The following CMAS variants were observed in gnomAD, a reference collection of about 807,000 sequenced individuals.
CMAS encodes N-acylneuraminate cytidylyltransferase.
CMAS carries 21 observed loss-of-function variants against 53.4 expected under a neutral mutation model. The ratio of observed to expected loss-of-function variants is 0.39; its 90% CI spans 0.28 to 0.57. The LOEUF (loss-of-function observed/expected upper bound fraction) is 0.57, where lower values mean the gene tolerates loss of function less well. CMAS is among the 20% of genes least tolerant of loss of function. CMAS has a pLI of 0.56. For synonymous variants in CMAS, 189 were observed against 195.2 expected, an observed-to-expected ratio of 0.97 and a Z score of 0.27; for missense variants, 384 against 534.9, an observed-to-expected ratio of 0.72 and a Z score of 2.78.
At chr12:22,063,841 T>G (rs961148261) in intron 7 of CMAS, 3 of 151,568 alleles carry the variant, frequency 2.0e-5, no homozygotes, top group African/African-American at 7.3e-5. Flanking sequence ...ATGCCTACAA[T>G]CCCACCACTT....
intron 1 of CMAS, among the ~76,000 whole-genome samples, chr12:22,053,995 C>T (rs937959467): frequency 2.0e-5 from 3 of 151,238 alleles, no homozygotes; most frequent in Admixed American, 6.6e-5. Context: ...GGCGCGATCT[C>T]GGCTCACTGC....
chr12:22,048,797 C>T (rs1950222277), intron 1 of CMAS, among the ~76,000 whole-genome samples: 1 of 152,174 alleles, frequency 6.6e-6, no homozygotes, highest in Admixed American at 6.5e-5. Context: ...CACCTTGCTT[C>T]AACTTGCTCA....
At chr12:22,054,389 C>T (rs1456570437) in intron 1 of CMAS, among the ~76,000 whole-genome samples, 3 of 152,166 alleles carry the variant, frequency 2.0e-5, no homozygotes, top group Middle Eastern at 3.4e-3. Flanking sequence ...GTGTAACCTG[C>T]GGTTAATAGA....
intron 7 of CMAS, among the ~76,000 whole-genome samples, chr12:22,064,094 A>T (rs1404780753): frequency 8.5e-5 from 13 of 152,196 alleles, no homozygotes. Flanking sequence ...TTTAGTGAAA[A>T]CGATTCAAAT....
chr12:22,050,898 G>A (rs1002023091), intron 1 of CMAS, among the ~76,000 whole-genome samples: 4 of 151,844 alleles, frequency 2.6e-5, no homozygotes, highest in Non-Finnish European at 5.9e-5. Flanking sequence ...TCATTAAAAT[G>A]TGTTGACTTA....
At chr12:22,050,400 C>T (rs1950233744) in intron 1 of CMAS, among the ~76,000 whole-genome samples, 1 of 152,144 alleles carries the variant, frequency 6.6e-6, no homozygotes, top group Non-Finnish European at 1.5e-5. Flanking sequence ...GTGCCTGGCA[C>T]ATAGTATGTA....
intron 3 of CMAS, 128 bp downstream of exon 3, chr12:22,055,738 A>T: frequency 1.4e-6 from 1 of 727,550 alleles, no homozygotes; most frequent in Admixed American, 3.2e-5. Flanking sequence ...TCATTACTTT[A>T]GTAGGTAATG....
chr12:22,057,226 T>TACACACAC (rs71053371), intron 3 of CMAS, among the ~76,000 whole-genome samples: 2,034 of 133,788 alleles, frequency 0.015, 37 homozygotes, highest in East Asian at 0.028. Context: ...AACCAGCTAT[T>TACACACAC]ACACACACAC....
chr12:22,062,476 A>C, intron 7 of CMAS, 42 bp downstream of exon 7: 1 of 1,022,664 alleles, frequency 9.8e-7, no homozygotes, highest in Non-Finnish European at 1.2e-6. Context: ...TGGACCAGGA[A>C]TTAATTATTT....
rs542146352 is a variant in CMAS at position 22,046,457 on chromosome 12, C to T, written c.154C>T (p.Arg52Trp). 14 of 1,610,124 alleles carry T rather than the reference C, an allele frequency of 8.7e-6. No homozygotes were observed. The East Asian group carries it at 1.3e-4, about 15-fold the overall frequency. The change falls in exon 1 of 8, where the codon CGG becomes TGG. Residue 52 changes from arginine (R) to tryptophan (W), a missense_variant. Physicochemically the swap from Arg to Trp is moderately radical, Grantham distance 101 (BLOSUM62 -3). Around this residue, in one of 3 missense-constraint regions of CMAS, gnomAD observed 111 missense variants for 132.2 expected, o/e 0.84. Coordinates refer to ENST00000229329, the MANE Select transcript of CMAS (RefSeq NM_018686.6). ...GCACCTGGCAGCCCTAATTCTGGCC[C>T]GGGGAGGCAGCAAAGGCATCCCCCT... is the stretch of plus-strand genomic sequence containing the variant. ...PPHLAALILA[R>W]GGSKGIPLKN... is the part of the protein sequence containing the mutation.
chr12:22,055,673 A>T, intron 3 of CMAS, 63 bp downstream of exon 3: 2 of 1,438,670 alleles, frequency 1.4e-6, no homozygotes, highest in Non-Finnish European at 1.9e-6. Flanking sequence ...TTGTATATAA[A>T]TATCCTTTAG....
intron 1 of CMAS, among the ~76,000 whole-genome samples, chr12:22,051,842 C>A (rs960314667): frequency 1.3e-5 from 2 of 149,444 alleles, no homozygotes; most frequent in African/African-American, 5.0e-5. Flanking sequence ...TACTTTATTA[C>A]CATTCCTATT....
intron 6 of CMAS, among the ~76,000 whole-genome samples, chr12:22,061,951 C>T (rs561263247): frequency 3.3e-5 from 5 of 152,170 alleles, no homozygotes; most frequent in African/African-American, 1.2e-4. Context: ...AGACTTTCCT[C>T]TGGATAAATT....
Position 22,061,284 on chromosome 12 carries a change from T to C in CMAS, c.792T>C (p.Tyr264=), listed in dbSNP as rs2138188061. The part of the protein sequence containing the change: ...WPIAEQRVLR[Y]GYFGKEKLKE... ...GGTCTATTTTGGTTTCTTTTAGATATGGCTATTTTGGCAAAGAGAAGCTTA... is the reference window on the plus strand; with the variant it reads ...GGTCTATTTTGGTTTCTTTTAGATACGGCTATTTTGGCAAAGAGAAGCTTA... Residue 264 remains tyrosine, a synonymous_variant, in exon 6 of 8, where the codon TAT becomes TAC. Coordinates refer to ENST00000229329, the MANE Select transcript of CMAS (RefSeq NM_018686.6). The C allele has an allele frequency of 6.2e-7, 1 of 1,611,318 alleles. No individual in the cohort carries two copies. The highest frequency in any genetic ancestry group is 1.3e-5 in the African/African-American group (1 of 74,846).
At chr12:22,064,018 T>G (rs542172158) in intron 7 of CMAS, 1 of 151,990 alleles carries the variant, frequency 6.6e-6, no homozygotes, top group Non-Finnish European at 1.5e-5. Context: ...AAATCAATAC[T>G]TTTATAAGTA....
In CMAS at chr12:22,059,013, G is replaced by T. The variant is rs969908366; in HGVS notation, c.693+313G>T. On this transcript the variant is annotated intron_variant, in intron 4 of 7. Coordinates refer to ENST00000229329, the MANE Select transcript of CMAS (RefSeq NM_018686.6). ...TCAAAACTACGTAATCCATGTTTGT[G>T]TTATAGTTATATTGTGGCTGTAGGG... Among the ~76,000 whole-genome samples the T allele has an allele frequency of 4.0e-5, 6 of 151,858 alleles. No homozygotes were observed. In the South Asian group the frequency reaches 8.3e-4, roughly 21 times the overall value.
intron 1 of CMAS, among the ~76,000 whole-genome samples, chr12:22,047,395 G>A (rs532454905): frequency 5.9e-5 from 9 of 152,148 alleles, no homozygotes; most frequent in African/African-American, 1.9e-4. Context: ...ATTTGAATGT[G>A]TTGTTATTGT....
chr12:22,046,839 T>A (rs1324283941), intron 1 of CMAS, among the ~76,000 whole-genome samples: 1 of 152,086 alleles, frequency 6.6e-6, no homozygotes, highest in South Asian at 2.1e-4. Context: ...AGATTACACC[T>A]CCCCAACCGT....
chr12:22,046,257 A>T lies in CMAS; in HGVS notation c.-47A>T. On this transcript the variant is annotated 5_prime_UTR_variant, in exon 1 of 8. Transcript: ENST00000229329. ...CGGCGCCGAGCTGAGGTGGTGAGGG[A>T]CTAGCTCCCGGATGTGGAGAAGCTG... 2.1e-6 allele frequency: 3 copies of T among 1,405,534 alleles called. No individual in the cohort carries two copies. Among genetic ancestry groups the T allele is most frequent in the Non-Finnish European group, 2.8e-6 (3 of 1,076,956 alleles). The allele number at this position is 1,405,534 out of a possible 1,614,324, so 87.1% of individuals were successfully genotyped here.
Sources: allele counts gnomAD v4.1 joint callset (sites outside exome capture counted in the v4.1 genomes callset), GRCh38; gene constraint gnomAD v4.1.1; regional missense constraint gnomAD v4.1.1; transcripts MANE v1.5; gene names NCBI Gene and HGNC (gene_info 2026-07-23, HGNC 2026-07-21).